The following TMCO5A variants were observed in gnomAD, a reference collection of about 807,000 sequenced individuals.
TMCO5A encodes the protein transmembrane and coiled-coil domain-containing protein 5A.
Under a neutral mutation model 42.3 loss-of-function variants are expected in TMCO5A, and 34 were observed. That is an observed-to-expected ratio of 0.80 (90% CI 0.61 to 1.07). The LOEUF is 1.07. TMCO5A is among the 50% of genes least tolerant of loss of function. The probability of loss-of-function intolerance (pLI) is 0.00; values close to 1 mark genes in which losing one functional copy is unlikely to be tolerated. For synonymous variants in TMCO5A, 131 were observed against 115.6 expected, an observed-to-expected ratio of 1.13 and a Z score of -0.86; for missense variants, 357 against 327.9, an observed-to-expected ratio of 1.09 and a Z score of -0.69.
chr15:37,997,405 A>G, the TMCO5A span, among the ~76,000 whole-genome samples: 1 of 152,188 alleles, frequency 6.6e-6, no homozygotes, highest in African/African-American at 2.4e-5. Context: ...AAAAGTAAAA[A>G]GGTTTTTTCC....
chr15:37,980,655 A>G, the TMCO5A span, among the ~76,000 whole-genome samples: 1 of 151,372 alleles, frequency 6.6e-6, no homozygotes. Flanking sequence ...AAAAAAAAAA[A>G]AAAAAAAATC....
the TMCO5A span, among the ~76,000 whole-genome samples, chr15:37,995,055 T>C: frequency 3.3e-5 from 5 of 152,304 alleles, no homozygotes; most frequent in East Asian, 9.7e-4. Context: ...AGGTGTTCAA[T>C]GGTGCTAAAT....
chr15:37,951,929 G>A (rs1427708868), downstream of TMCO5A, among the ~76,000 whole-genome samples: 1 of 152,048 alleles, frequency 6.6e-6, no homozygotes, highest in African/African-American at 2.4e-5. Context: ...GTGGTGTGGA[G>A]AGCATTTCTG....
chr15:38,026,345 C>A, the TMCO5A span, among the ~76,000 whole-genome samples: 32 of 152,212 alleles, frequency 2.1e-4, no homozygotes, highest in East Asian at 5.4e-3. Flanking sequence ...TGATTCTTGT[C>A]ACGATTTAGC....
the TMCO5A span, among the ~76,000 whole-genome samples, chr15:37,996,865 C>T: frequency 6.6e-6 from 1 of 152,194 alleles, no homozygotes; most frequent in Non-Finnish European, 1.5e-5. Context: ...TACCATTACA[C>T]CCAAACATCC....
the TMCO5A span, among the ~76,000 whole-genome samples, chr15:38,010,095 C>T: frequency 6.6e-6 from 1 of 151,290 alleles, no homozygotes; most frequent in Non-Finnish European, 1.5e-5. Context: ...GAGGCAGGTC[C>T]GGGCGCGGTG....
rs1566912553 is a variant in TMCO5A at position 37,934,653 on chromosome 15, C to T, written c.-144C>T. On this transcript the variant is annotated 5_prime_UTR_variant, in exon 1 of 12. Coordinates refer to ENST00000319669, the MANE Select transcript of TMCO5A (RefSeq NM_152453.4). ...ATTAGACTCCTCAGAAGCTAATTGA[C>T]TAGGGAAGGATCAGGAAGACAAGAC... 1 of 151,580 alleles carries T rather than the reference C, an allele frequency of 6.6e-6. No homozygotes were observed. The highest frequency in any genetic ancestry group is 1.5e-5 in the Non-Finnish European group (1 of 67,948). 9.4% of individuals were successfully genotyped at this position (151,580 alleles called of 1,614,324 possible). A position where few individuals can be genotyped will look rare whatever the true frequency, so the allele number is the denominator to read the frequency against.
the TMCO5A span, among the ~76,000 whole-genome samples, chr15:37,983,567 G>A: frequency 6.6e-6 from 1 of 152,142 alleles, no homozygotes; most frequent in Non-Finnish European, 1.5e-5. Flanking sequence ...AGGCACCAGA[G>A]GGACTCTCAA....
downstream of TMCO5A, among the ~76,000 whole-genome samples, chr15:37,951,922 G>A (rs140227109): frequency 3.8e-3 from 575 of 152,174 alleles, 5 homozygotes; most frequent in African/African-American, 0.012. Flanking sequence ...CAAGGGTGTG[G>A]TGTGGAGAGC....
the TMCO5A span, among the ~76,000 whole-genome samples, chr15:37,984,475 C>T: frequency 6.6e-6 from 1 of 152,032 alleles, no homozygotes; most frequent in African/African-American, 2.4e-5. Context: ...ACATGATTAC[C>T]TCAATATCCA....
At chr15:37,968,163 ACTT>A (rs1337234489), downstream of TMCO5A, among the ~76,000 whole-genome samples, 2 of 152,208 alleles carry the variant, frequency 1.3e-5, no homozygotes, top group African/African-American at 2.4e-5. Context: ...CTCAAGGTGC[ACTT>A]CTTCTTCCAT....
chr15:38,012,132 A>AAAAAAAAAG, the TMCO5A span, among the ~76,000 whole-genome samples: 1 of 151,950 alleles, frequency 6.6e-6, no homozygotes, highest in African/African-American at 2.4e-5. Context: ...TCAAAAAAAA[A>AAAAAAAAAG]AGAAAAAAAG....
At chr15:37,948,830 C>G (rs1378353104) in intron 11 of TMCO5A, among the ~76,000 whole-genome samples, 1 of 152,006 alleles carries the variant, frequency 6.6e-6, no homozygotes, top group Non-Finnish European at 1.5e-5. Flanking sequence ...ATCCCAGAAC[C>G]TTCTCATGCG....
chr15:37,961,993 G>C (rs1890439692), intron 11 of TMCO5A, among the ~76,000 whole-genome samples: 2 of 152,164 alleles, frequency 1.3e-5, no homozygotes, highest in South Asian at 4.1e-4. Flanking sequence ...AACAGTGACA[G>C]TTTGACTTCC....
the TMCO5A span, among the ~76,000 whole-genome samples, chr15:38,011,227 A>T: frequency 2.2e-4 from 33 of 152,190 alleles, no homozygotes; most frequent in Admixed American, 2.1e-3. Flanking sequence ...TCAAGGCTTG[A>T]GTGAAGAAGG....
the TMCO5A span, among the ~76,000 whole-genome samples, chr15:38,010,425 T>TCTCACACA: frequency 0.16 from 18,991 of 117,314 alleles, 1,781 homozygotes; most frequent in Middle Eastern, 0.26. Context: ...CAGAGGGAGA[T>TCTCACACA]CACACACACA....
intron 11 of TMCO5A, among the ~76,000 whole-genome samples, chr15:37,965,945 A>G (rs1430227116): frequency 2.0e-5 from 3 of 152,202 alleles, no homozygotes; most frequent in South Asian, 2.1e-4. Flanking sequence ...TTGAAGAGCT[A>G]TCTACACTTT....
rs141782089 is a variant in TMCO5A at position 37,951,230 on chromosome 15, A to G, written c.863A>G (p.His288Arg). 217 of 1,613,278 alleles carry G rather than the reference A, an allele frequency of 1.3e-4. 1 individual carries two copies. The highest frequency in any genetic ancestry group is 1.2e-3 in the Admixed American group (72 of 59,920). ...CTTGAGACAGAGGACATGTTACCCC[A>G]CTGATTCCCTAAGAAATATCCTTGA... The part of the protein sequence containing the change: ...LTLETEDMLP[H>R] The change falls in exon 12 of 12, where the codon CAC becomes CGC. Residue 288 changes from histidine (H) to arginine (R), a missense_variant. Coordinates refer to ENST00000319669, the MANE Select transcript of TMCO5A (RefSeq NM_152453.4).
chr15:37,985,200 G>C, the TMCO5A span, among the ~76,000 whole-genome samples: 1 of 152,072 alleles, frequency 6.6e-6, no homozygotes, highest in Non-Finnish European at 1.5e-5. Context: ...TTCTCTCAAA[G>C]AAGTCAATAA....
Sources: allele counts gnomAD v4.1 joint callset (sites outside exome capture counted in the v4.1 genomes callset), GRCh38; gene constraint gnomAD v4.1.1; transcripts MANE v1.5; gene names NCBI Gene and HGNC (gene_info 2026-07-23, HGNC 2026-07-21).